Variants in RAD51B observed in about 807,000 individuals in gnomAD.
RAD51B encodes the protein DNA repair protein RAD51 homolog 2.
Under a neutral mutation model 42.2 loss-of-function variants are expected in RAD51B, and 38 were observed. That is an observed-to-expected ratio of 0.90 (90% CI 0.70 to 1.18). The LOEUF (loss-of-function observed/expected upper bound fraction) is 1.18, where lower values mean the gene tolerates loss of function less well. Among genes scored for constraint, RAD51B ranks in the 50% most tolerant of loss-of-function variants. The pLI is 0.00. For synonymous variants in RAD51B, 154 were observed against 145.2 expected, an observed-to-expected ratio of 1.06 and a Z score of -0.43; for missense variants, 373 against 400.7, an observed-to-expected ratio of 0.93 and a Z score of 0.59.
At chr14:68,349,162 T>G (rs917632206) in intron 8 of RAD51B, among the ~76,000 whole-genome samples, 34 of 152,148 alleles carry the variant, frequency 2.2e-4, no homozygotes, top group African/African-American at 7.7e-4. Context: ...TATTTAAAAC[T>G]GTAATAACTA....
At chr14:68,014,447 A>G (rs888526501) in intron 7 of RAD51B, among the ~76,000 whole-genome samples, 1 of 151,762 alleles carries the variant, frequency 6.6e-6, no homozygotes, top group African/African-American at 2.4e-5. Context: ...CATATCTCCT[A>G]CTCTCTACTC....
At chr14:68,341,622 T>G (rs2082574293) in intron 8 of RAD51B, among the ~76,000 whole-genome samples, 1 of 152,216 alleles carries the variant, frequency 6.6e-6, no homozygotes, top group Non-Finnish European at 1.5e-5. Flanking sequence ...TTTCCTCCTG[T>G]TGGTTTCATT....
intron 9 of RAD51B, among the ~76,000 whole-genome samples, chr14:68,449,075 C>T (rs983248815): frequency 2.6e-5 from 4 of 152,042 alleles, no homozygotes; most frequent in African/African-American, 4.8e-5. Context: ...TATTACTAAC[C>T]GTTTTTCATA....
chr14:67,842,175 A>T (rs373108241), intron 4 of RAD51B, among the ~76,000 whole-genome samples: 2 of 152,076 alleles, frequency 1.3e-5, no homozygotes, highest in East Asian at 1.9e-4. Flanking sequence ...TGTATTCTTG[A>T]CTTGGCTCTC....
intron 9 of RAD51B, among the ~76,000 whole-genome samples, chr14:68,439,931 G>T (rs948466030): frequency 5.9e-5 from 9 of 152,150 alleles, no homozygotes; most frequent in Non-Finnish European, 1.2e-4. Context: ...CCTTTAATTG[G>T]TTCATGTCGT....
intron 4 of RAD51B, among the ~76,000 whole-genome samples, chr14:67,853,681 T>C (rs1248317734): frequency 1.3e-5 from 2 of 152,234 alleles, no homozygotes; most frequent in Non-Finnish European, 2.9e-5. Flanking sequence ...AGGCAACTGA[T>C]TGAATGAACT....
At chr14:68,667,762 G>A (rs1193808373) in intron 11 of RAD51B, among the ~76,000 whole-genome samples, 1 of 152,222 alleles carries the variant, frequency 6.6e-6, no homozygotes, top group Non-Finnish European at 1.5e-5. Flanking sequence ...AAGTATGTAA[G>A]TCAGCTCTTA....
chr14:68,100,339 C>G (rs1341532942), intron 7 of RAD51B, among the ~76,000 whole-genome samples: 2 of 152,146 alleles, frequency 1.3e-5, no homozygotes, highest in Non-Finnish European at 2.9e-5. Flanking sequence ...TTGAAACTGT[C>G]TAATTTTATT....
chr14:67,863,145 T>A (rs1402797304), intron 4 of RAD51B, among the ~76,000 whole-genome samples: 1 of 132,636 alleles, frequency 7.5e-6, no homozygotes, highest in African/African-American at 2.8e-5. Context: ...GTTTTAAATA[T>A]GGGAATTTTT....
At chr14:68,343,208 C>T (rs562558270) in intron 8 of RAD51B, among the ~76,000 whole-genome samples, 7 of 152,306 alleles carry the variant, frequency 4.6e-5, no homozygotes, top group Admixed American at 1.3e-4. Context: ...TCACTATACT[C>T]GCCACACAAT....
intron 5 of RAD51B, among the ~76,000 whole-genome samples, chr14:67,878,265 C>A (rs115319138): frequency 2.6e-5 from 4 of 151,946 alleles, no homozygotes; most frequent in Non-Finnish European, 2.9e-5. Flanking sequence ...GTCATACTTG[C>A]GGGAAAAAAG....
chr14:68,072,048 T>C (rs1037334633), intron 7 of RAD51B, among the ~76,000 whole-genome samples: 3 of 121,684 alleles, frequency 2.5e-5, no homozygotes, highest in African/African-American at 4.1e-5. Context: ...TATATATATA[T>C]ATAATTATAT....
intron 7 of RAD51B, among the ~76,000 whole-genome samples, chr14:68,187,433 C>G (rs79204142): frequency 0.024 from 3,661 of 152,242 alleles, 118 homozygotes; most frequent in African/African-American, 0.072. Context: ...TGTGGGAAAC[C>G]TGCTTGTTAG....
chr14:68,193,410 T>C (rs948574523), intron 7 of RAD51B, among the ~76,000 whole-genome samples: 9 of 152,188 alleles, frequency 5.9e-5, no homozygotes, highest in Admixed American at 3.9e-4. Flanking sequence ...GCAAACTTAT[T>C]GAGGTCTGGG....
intron 4 of RAD51B, among the ~76,000 whole-genome samples, chr14:67,848,365 T>A (rs2041692837): frequency 6.6e-6 from 1 of 152,146 alleles, no homozygotes; most frequent in Non-Finnish European, 1.5e-5. Context: ...TCTTTCTTAG[T>A]CGTTATGGTT....
chr14:68,269,574 C>T (rs796384167), intron 7 of RAD51B, among the ~76,000 whole-genome samples: 9 of 152,246 alleles, frequency 5.9e-5, no homozygotes, highest in South Asian at 2.1e-4. Context: ...TCAGTATCTA[C>T]ACCCGATATT....
At chr14:68,589,186 G>A (rs1045745761) in intron 10 of RAD51B, among the ~76,000 whole-genome samples, 2 of 152,214 alleles carry the variant, frequency 1.3e-5, no homozygotes, top group African/African-American at 4.8e-5. Context: ...ATGGTACAGA[G>A]AGTGGAATAT....
intron 11 of RAD51B, among the ~76,000 whole-genome samples, chr14:68,656,683 G>A (rs1413550484): frequency 6.6e-6 from 1 of 152,188 alleles, no homozygotes; most frequent in African/African-American, 2.4e-5. Flanking sequence ...CTTTGGGCCT[G>A]CCTGGGCGGG....
intron 10 of RAD51B, among the ~76,000 whole-genome samples, chr14:68,585,708 G>T (rs1890430116): frequency 6.6e-6 from 1 of 152,140 alleles, no homozygotes; most frequent in African/African-American, 2.4e-5. Flanking sequence ...CCTGCTCACT[G>T]CAAGGAAGAA....
Sources: gnomAD v4.1 joint callset for allele counts (sites outside exome capture counted in the v4.1 genomes callset) on GRCh38, gnomAD v4.1.1 for gene constraint, MANE v1.5 for transcripts, NCBI Gene and HGNC (gene_info 2026-07-23, HGNC 2026-07-21) for gene names.